The following DGKI variants were observed in gnomAD, a reference collection of about 807,000 sequenced individuals.
DGKI encodes DAG kinase iota.
A neutral mutation model predicts 147.5 loss-of-function variants in DGKI; 55 were observed. The observed-to-expected ratio is 0.37, with a 90% CI of 0.30 to 0.47. The LOEUF is 0.47. DGKI is among the 20% of genes least tolerant of loss of function. The probability of loss-of-function intolerance (pLI) is 1.00; values close to 1 mark genes in which losing one functional copy is unlikely to be tolerated. For missense variants in DGKI, 1,007 were observed against 1,323.8 expected (o/e 0.76, Z 3.71); for synonymous variants, 469 against 477.1 (o/e 0.98, Z 0.22).
At chr7:137,408,971 A>G (rs948208062) in intron 29 of DGKI, among the ~76,000 whole-genome samples, 6 of 152,228 alleles carry the variant, frequency 3.9e-5, no homozygotes, top group Non-Finnish European at 8.8e-5. Flanking sequence ...CACATTATAG[A>G]TAATCAAACA....
At chr7:137,437,057 T>C (rs750962771) in intron 28 of DGKI, among the ~76,000 whole-genome samples, 8 of 152,198 alleles carry the variant, frequency 5.3e-5, no homozygotes, top group Non-Finnish European at 1.0e-4. Context: ...CTTACTTAAT[T>C]GTGACTTGTG....
chr7:137,808,593 G>A (rs939043211), intron 1 of DGKI, among the ~76,000 whole-genome samples: 4 of 152,152 alleles, frequency 2.6e-5, no homozygotes, highest in Non-Finnish European at 5.9e-5. Flanking sequence ...GCAGTAGCAG[G>A]CACAAATAAT....
At chr7:137,396,928 T>C (rs967879274) in intron 31 of DGKI, among the ~76,000 whole-genome samples, 4 of 152,244 alleles carry the variant, frequency 2.6e-5, no homozygotes, top group African/African-American at 9.6e-5. Flanking sequence ...AGTTCTTCAG[T>C]GGTGGTTCAT....
chr7:137,513,669 A>G (rs531829892), intron 21 of DGKI, among the ~76,000 whole-genome samples: 20 of 152,326 alleles, frequency 1.3e-4, no homozygotes, highest in African/African-American at 4.6e-4. Context: ...CACCTAGGCT[A>G]TACGGTATAG....
intron 1 of DGKI, chr7:137,843,309 A>T: frequency 2.2e-6 from 1 of 458,558 alleles, no homozygotes; most frequent in Non-Finnish European, 2.9e-6. Flanking sequence ...CACAGTATAT[A>T]GTCATTTACA....
At chr7:137,545,384 C>G (rs1004606780) in intron 20 of DGKI, among the ~76,000 whole-genome samples, 2 of 152,106 alleles carry the variant, frequency 1.3e-5, no homozygotes, top group African/African-American at 4.8e-5. Context: ...CTACATTAAG[C>G]AAAAACTCCT....
intron 1 of DGKI, among the ~76,000 whole-genome samples, chr7:137,801,292 T>C (rs1296706490): frequency 2.0e-5 from 3 of 152,028 alleles, no homozygotes; most frequent in South Asian, 2.1e-4. Flanking sequence ...GAGTTGGAAA[T>C]GGGATCGGCT....
intron 8 of DGKI, among the ~76,000 whole-genome samples, chr7:137,615,707 T>C (rs1355315746): frequency 7.1e-6 from 1 of 140,752 alleles, no homozygotes; most frequent in African/African-American, 2.6e-5. Flanking sequence ...TTGCCACCCA[T>C]GATCCACACA....
intron 1 of DGKI, among the ~76,000 whole-genome samples, chr7:137,754,242 G>A (rs958658865): frequency 5.3e-5 from 8 of 152,108 alleles, no homozygotes; most frequent in East Asian, 1.9e-4. Flanking sequence ...ATGCTCCTAC[G>A]TGGAGGAAGA....
At chr7:137,599,337 G>A (rs948902736) in intron 11 of DGKI, among the ~76,000 whole-genome samples, 1 of 152,104 alleles carries the variant, frequency 6.6e-6, no homozygotes, top group Admixed American at 6.6e-5. Context: ...CCCCACATTT[G>A]TGCAGAGTCC....
At chr7:137,821,985 G>A (rs1016819778) in intron 1 of DGKI, among the ~76,000 whole-genome samples, 3 of 152,264 alleles carry the variant, frequency 2.0e-5, no homozygotes, top group East Asian at 1.9e-4. Context: ...CTATGAGACT[G>A]GAGATTTAGT....
chr7:137,436,825 A>T (rs925242821), intron 28 of DGKI, among the ~76,000 whole-genome samples: 13 of 152,218 alleles, frequency 8.5e-5, no homozygotes, highest in African/African-American at 2.9e-4. Flanking sequence ...TTCTTCTCAT[A>T]AATACGATAT....
At chr7:137,581,769 G>T in intron 15 of DGKI, 81 bp downstream of exon 15, 1 of 1,179,138 alleles carries the variant, frequency 8.5e-7, no homozygotes, top group Non-Finnish European at 1.3e-6. Context: ...ACGCGTAAGT[G>T]ATATACAAAC....
rs564320315 is a variant in DGKI, at chr7:137,795,115, G to C, written c.401+51347C>G. Among the ~76,000 whole-genome samples the C allele has an allele frequency of 3.9e-5, 6 of 152,306 alleles. No individual in the cohort carries two copies. The East Asian group carries it at 1.2e-3, about 29-fold the overall frequency. On this transcript the variant is annotated intron_variant, in intron 1 of 32. Coordinates refer to ENST00000614521, the MANE Select transcript of DGKI (RefSeq NM_001321708.2). ...AAGTATGAGAGCAGTTGCAAAAATT[G>C]TCAAAATCAACATTTTCAGAATTCT...
intron 23 of DGKI, among the ~76,000 whole-genome samples, chr7:137,474,787 A>G (rs1054952723): frequency 1.3e-5 from 2 of 152,208 alleles, no homozygotes; most frequent in African/African-American, 4.8e-5. Context: ...TTAAGCAGCA[A>G]GCCCAGAGGC....
chr7:137,478,799 T>C (rs1815267700), intron 23 of DGKI, among the ~76,000 whole-genome samples: 1 of 152,210 alleles, frequency 6.6e-6, no homozygotes. Flanking sequence ...AGGTTGGACC[T>C]GGCGATGTTC....
At chr7:137,477,734 G>C (rs913748624) in intron 23 of DGKI, among the ~76,000 whole-genome samples, 1 of 152,066 alleles carries the variant, frequency 6.6e-6, no homozygotes, top group Non-Finnish European at 1.5e-5. Flanking sequence ...TCAGCTCACT[G>C]CATCCTCTGC....
At chr7:137,784,166 G>T (rs1796598858) in intron 1 of DGKI, among the ~76,000 whole-genome samples, 1 of 152,144 alleles carries the variant, frequency 6.6e-6, no homozygotes, top group Admixed American at 6.5e-5. Context: ...CCACTTAAAA[G>T]ATACAGAATG....
Position 137,388,195 on chromosome 7 carries a change from C to T in DGKI, c.*3025G>A, listed in dbSNP as rs1363821397. On this transcript the variant is annotated 3_prime_UTR_variant, in exon 33 of 33. Transcript: ENST00000614521. ...CATTCTTGGCTTACTAATCTTCTCT[C>T]TTATTCTTTATGAAGTCCTTGAATA... 1.3e-5 allele frequency: 2 copies of T among 152,182 alleles called. No homozygotes were observed. Among genetic ancestry groups the T allele is most frequent in the Non-Finnish European group, 2.9e-5 (2 of 68,022 alleles). The allele number at this position is 152,182 out of a possible 1,614,324, so 9.4% of individuals were successfully genotyped here. A position where few individuals can be genotyped will look rare whatever the true frequency, so the allele number is the denominator to read the frequency against.
Sources: allele counts gnomAD v4.1 joint callset (sites outside exome capture counted in the v4.1 genomes callset), GRCh38; gene constraint gnomAD v4.1.1; transcripts MANE v1.5; gene names NCBI Gene and HGNC (gene_info 2026-07-23, HGNC 2026-07-21).